Variants in HGS observed in about 807,000 individuals in gnomAD.
The protein encoded by HGS is hepatocyte growth factor-regulated tyrosine kinase substrate.
A neutral mutation model predicts 109.7 loss-of-function variants in HGS; 63 were observed. The observed-to-expected ratio is 0.57, with a 90% CI of 0.47 to 0.71. The LOEUF is 0.71. Ranked by LOEUF, HGS falls within the 30% of genes least tolerant of loss-of-function variation. The probability of loss-of-function intolerance (pLI) is 0.00; values close to 1 mark genes in which losing one functional copy is unlikely to be tolerated. For missense variants in HGS, 995 were observed against 1,068.3 expected, an observed-to-expected ratio of 0.93 and a Z score of 0.96; for synonymous variants, 546 against 437.3, an observed-to-expected ratio of 1.25 and a Z score of -3.10.
At chr17:81,690,948 A>C (rs1419983143) in intron 7 of HGS, 1 of 544,318 alleles carries the variant, frequency 1.8e-6, no homozygotes, top group Non-Finnish European at 3.2e-6. Flanking sequence ...GGCCGGGCCC[A>C]GCCTCACTCT....
chr17:81,696,969 C>T lies in HGS; in HGVS notation c.1853C>T (p.Pro618Leu). 1 of 1,599,446 alleles carries T rather than the reference C, an allele frequency of 6.3e-7. No individual in the cohort carries two copies. Among genetic ancestry groups the T allele is most frequent in the East Asian group, 2.2e-5 (1 of 44,738 alleles). ...AGCCAGCCGGCCCCTGCCGCTGGCCCCTACCCCAGCATGCCCAGCACTGCG... is the reference window on the plus strand; with the variant it reads ...AGCCAGCCGGCCCCTGCCGCTGGCCTCTACCCCAGCATGCCCAGCACTGCG... ...YMSQPAPAAG[P>L]YPSMPSTAAD... Residue 618 changes from proline to leucine, a missense_variant, in exon 18 of 22, where the codon CCC becomes CTC. Pro to Leu is a moderately conservative substitution (Grantham distance 98). Around this residue, in one of 6 missense-constraint regions of HGS, gnomAD observed 326 missense variants for 309.7 expected, o/e 1.05. Coordinates refer to ENST00000329138, the MANE Select transcript of HGS (RefSeq NM_004712.5).
chr17:81,699,802 C>T (rs1053271103), intron 18 of HGS, among the ~76,000 whole-genome samples: 2 of 149,868 alleles, frequency 1.3e-5, no homozygotes, highest in East Asian at 2.1e-4. Context: ...CCTGGCCGGG[C>T]GGTGGCTCAC....
At position 81,691,330 on chromosome 17, in the gene HGS, C is replaced by A; in HGVS notation, c.538-117C>A. On this transcript the variant is annotated intron_variant, in intron 7 of 21. Transcript: ENST00000329138. The surrounding 1 kb of genome is among the most constrained non-coding windows in gnomAD (Gnocchi z 5.3). ...TCCCAGGCACTTGTTCTGCTTGTCCCTTGCCTTCCCCCACCTGTGAGGCCC... is the reference window on the plus strand; with the variant it reads ...TCCCAGGCACTTGTTCTGCTTGTCCATTGCCTTCCCCCACCTGTGAGGCCC... 7.6e-7 allele frequency: 1 copy of A among 1,312,552 alleles called. No individual in the cohort carries two copies. Among genetic ancestry groups the A allele is most frequent in the Non-Finnish European group, 1.1e-6 (1 of 933,640 alleles). The allele number at this position is 1,312,552 out of a possible 1,614,324, so 81.3% of individuals were successfully genotyped here.
Position 81,691,622 on chromosome 17 carries a change from T to G in HGS, c.662+51T>G. 6.2e-7 allele frequency: 1 copy of G among 1,610,592 alleles called. No individual in the cohort carries two copies. Among genetic ancestry groups the G allele is most frequent in the Non-Finnish European group, 8.5e-7 (1 of 1,178,190 alleles). On this transcript the variant is annotated intron_variant, in intron 8 of 21. Coordinates refer to ENST00000329138, the MANE Select transcript of HGS (RefSeq NM_004712.5). The surrounding 1 kb of genome is among the most constrained non-coding windows in gnomAD (Gnocchi z 5.3). ...TGCAGGTGGGGCAGGCTCTCCAGGC[T>G]GGGTTTTCTGTCCCTCTTGGCCATG...
rs1356656520 is a variant in HGS, at chr17:81,695,052, C to T, written c.1104C>T (p.Pro368=). The T allele has an allele frequency of 1.2e-6, 2 of 1,613,436 alleles. No homozygotes were observed. Among genetic ancestry groups the T allele is most frequent in the Admixed American group, 1.7e-5 (1 of 60,006 alleles). ...AGCCTGGGGAAGGGCACGCAGCCCC[C>T]ACCAACGTGGTGGAGGTGAGGGGGC... ...AAQPGEGHAA[P]TNVVENPLPE... is the part of the protein sequence containing the mutation. The change falls in exon 13 of 22, where the codon CCC becomes CCT. Residue 368 remains proline (P), a synonymous_variant. Coordinates refer to ENST00000329138, the MANE Select transcript of HGS (RefSeq NM_004712.5).
chr17:81,684,328 G>A, intron 1 of HGS: 2 of 373,106 alleles, frequency 5.4e-6, no homozygotes. Context: ...GCGAGGGTCC[G>A]CGCAGGGCGC....
rs1168998851 is a variant in HGS, at chr17:81,696,360, A to G, written c.1397A>G (p.Tyr466Cys). The stretch of plus-strand genomic sequence containing the variant: ...TTGCTCTGTCATCTGCCCACAGTGT[A>G]CTATGAGGGGCTGCAGGACAAGCTG... ...LLNQLDERRL[Y>C]YEGLQDKLAQ... The change falls in exon 16 of 22, where the codon TAC becomes TGC. Residue 466 changes from tyrosine (Y) to cysteine (C), a missense_variant. Physicochemically the swap from Tyr to Cys is radical, Grantham distance 194. Coordinates refer to ENST00000329138, the MANE Select transcript of HGS (RefSeq NM_004712.5). 11 of 1,581,040 alleles carry G rather than the reference A, an allele frequency of 7.0e-6. No homozygotes were observed. The highest frequency in any genetic ancestry group is 2.3e-5 in the East Asian group (1 of 44,090).
chr17:81,685,555 G>A (rs747690540), intron 1 of HGS, 50 bp from the exon 2 acceptor site: 70 of 1,372,290 alleles, frequency 5.1e-5, no homozygotes, highest in Non-Finnish European at 5.3e-5. Context: ...GGTGCTGCAC[G>A]GGGCGTCCAG....
chr17:81,694,034 T>C (rs2144497284), intron 11 of HGS, 69 bp downstream of exon 11: 3 of 1,363,646 alleles, frequency 2.2e-6, no homozygotes, highest in Non-Finnish European at 2.0e-6. Flanking sequence ...CGCGGGTCCC[T>C]GAGCTGATTT....
Position 81,686,308 on chromosome 17 carries a change from T to C in HGS, c.123-4T>C. The C allele has an allele frequency of 6.2e-7, 1 of 1,612,806 alleles. No individual in the cohort carries two copies. Among genetic ancestry groups the C allele is most frequent in the Non-Finnish European group, 8.5e-7 (1 of 1,179,284 alleles). ...CTCTGCTTTTATCAATGTTTCCTTTTCAGAGCAAAATATGCTGTGAATTCC... is the reference window on the plus strand; with the variant it reads ...CTCTGCTTTTATCAATGTTTCCTTTCCAGAGCAAAATATGCTGTGAATTCC... On this transcript the variant is annotated splice_region_variant and splice_polypyrimidine_tract_variant and intron_variant, in intron 2 of 21. Coordinates refer to ENST00000329138, the MANE Select transcript of HGS (RefSeq NM_004712.5).
intron 5 of HGS, among the ~76,000 whole-genome samples, chr17:81,689,117 C>T (rs910085146): frequency 5.3e-5 from 8 of 152,268 alleles, no homozygotes; most frequent in East Asian, 1.9e-4. Context: ...TCCTGGGGGC[C>T]GGGTTGGGCT....
At position 81,701,475 on chromosome 17, in the gene HGS, G is replaced by A. The variant is rs201305944; in HGVS notation, c.2224-33G>A. The A allele has an allele frequency of 3.3e-4, 503 of 1,531,112 alleles. 3 individuals carry two copies. In the East Asian group the frequency reaches 0.012, roughly 37 times the overall value. 94.8% of individuals were successfully genotyped at this position (1,531,112 alleles called of 1,614,324 possible). A position where few individuals can be genotyped will look rare whatever the true frequency, so the allele number is the denominator to read the frequency against. On this transcript the variant is annotated intron_variant, in intron 21 of 21. Coordinates refer to ENST00000329138, the MANE Select transcript of HGS (RefSeq NM_004712.5). Reference sequence around the variant, plus strand: ...TTCCTCCCTGGGCTGGGGAAGGGAGGACCAGGGCCATGCCTGCTTTCCTCC... The same window carrying A: ...TTCCTCCCTGGGCTGGGGAAGGGAGAACCAGGGCCATGCCTGCTTTCCTCC...
chr17:81,684,201 G>C, intron 1 of HGS, 98 bp downstream of exon 1: 6 of 1,122,558 alleles, frequency 5.3e-6, no homozygotes, highest in Non-Finnish European at 5.8e-6. Context: ...GGCGCGGACC[G>C]GCCGCCCTGC....
In HGS at chr17:81,696,490, G is replaced by A; in HGVS notation, c.1527G>A (p.Gln509=). 3 of 1,528,988 alleles carry A rather than the reference G, an allele frequency of 2.0e-6. No homozygotes were observed. The highest frequency in any genetic ancestry group is 2.6e-6 in the Non-Finnish European group (3 of 1,136,458). 94.7% of individuals were successfully genotyped at this position (1,528,988 alleles called of 1,614,324 possible). A position where few individuals can be genotyped will look rare whatever the true frequency, so the allele number is the denominator to read the frequency against. The part of the protein sequence containing the change: ...AEEAERQRQI[Q]LAQKLEIMRQ... Reference sequence around the variant, plus strand: ...AGGCAGAGCGCCAGCGCCAGATCCAGCTGGCCCAGAAGCTGGAGATAATGC... The same window carrying A: ...AGGCAGAGCGCCAGCGCCAGATCCAACTGGCCCAGAAGCTGGAGATAATGC... Residue 509 remains glutamine, a synonymous_variant, in exon 16 of 22, where the codon CAG becomes CAA. Coordinates refer to ENST00000329138, the MANE Select transcript of HGS (RefSeq NM_004712.5).
chr17:81,686,276 C>T (rs745550935), intron 2 of HGS, 36 bp from the exon 3 acceptor site: 13 of 1,570,208 alleles, frequency 8.3e-6, no homozygotes, highest in South Asian at 4.5e-5. Flanking sequence ...ATTTTTTTCC[C>T]GTTTTTCTCT....
rs1405623995 is a variant in HGS, at chr17:81,702,025, G to A, written c.*407G>A. 1 of 176,800 alleles carries A rather than the reference G, an allele frequency of 5.7e-6. No individual in the cohort carries two copies. The highest frequency in any genetic ancestry group is 2.4e-5 in the African/African-American group (1 of 42,406). 11.0% of individuals were successfully genotyped at this position (176,800 alleles called of 1,614,324 possible). On this transcript the variant is annotated 3_prime_UTR_variant, in exon 22 of 22. Transcript: ENST00000329138. Reference sequence around the variant, plus strand: ...GGCCTCTCTCGGCAGCCACAGCCAAGGGTGGAGGCTTCAGGTCTCCAGCTT... The same window carrying A: ...GGCCTCTCTCGGCAGCCACAGCCAAAGGTGGAGGCTTCAGGTCTCCAGCTT...
Position 81,700,578 on chromosome 17 carries a change from C to T in HGS, c.1994C>T (p.Pro665Leu). ...AGCCCCGCTTACTCATCCTACCAGC[C>T]TACTCCCACAGCGGGCTACCAGGTA... ...TASPAYSSYQPTPTAGYQNVA... is the reference protein window; with the variant it reads ...TASPAYSSYQLTPTAGYQNVA... The change falls in exon 19 of 22, where the codon CCT becomes CTT. Residue 665 changes from proline to leucine, a missense_variant. Pro to Leu is a moderately conservative substitution (Grantham distance 98). Around this residue, in one of 6 missense-constraint regions of HGS, gnomAD observed 326 missense variants for 309.7 expected, o/e 1.05. Transcript: ENST00000329138. 1 of 1,608,866 alleles carries T rather than the reference C, an allele frequency of 6.2e-7. No homozygotes were observed. The highest frequency in any genetic ancestry group is 2.2e-5 in the East Asian group (1 of 44,850).
Position 81,691,588 on chromosome 17 carries a change from C to CTTGG in HGS, c.662+17_662+18insTTGG. On this transcript the variant is annotated intron_variant, in intron 8 of 21. Transcript: ENST00000329138. The surrounding 1 kb of genome is among the most constrained non-coding windows in gnomAD (Gnocchi z 5.3). ...GCTGAACAGGTGAGTCCCCGCCCCC[C>CTTGG]ATTTGGGCTGCAGGTGGGGCAGGCT... 6.2e-7 allele frequency: 1 copy of CTTGG among 1,613,682 alleles called. No individual in the cohort carries two copies. The highest frequency in any genetic ancestry group is 8.5e-7 in the Non-Finnish European group (1 of 1,179,802).
Position 81,693,392 on chromosome 17 carries a change from C to T in HGS, c.663-111C>T, listed in dbSNP as rs893859683. 39 of 785,210 alleles carry T rather than the reference C, an allele frequency of 5.0e-5. No individual in the cohort carries two copies. The African/African-American group carries it at 6.1e-4, about 12-fold the overall frequency. The allele number at this position is 785,210 out of a possible 1,614,324, so 48.6% of individuals were successfully genotyped here. A position where few individuals can be genotyped will look rare whatever the true frequency, so the allele number is the denominator to read the frequency against. The stretch of plus-strand genomic sequence containing the variant: ...ACACCTGTGGCTGTGGAACCACTGT[C>T]CTCACTCTGTGGGGACACTTAGAGG... On this transcript the variant is annotated intron_variant, in intron 8 of 21. Transcript: ENST00000329138.
Sources: allele counts gnomAD v4.1 joint callset (sites outside exome capture counted in the v4.1 genomes callset), GRCh38; gene constraint gnomAD v4.1.1; regional missense constraint gnomAD v4.1.1; non-coding constraint Gnocchi (gnomAD v3.1); transcripts MANE v1.5; gene names NCBI Gene and HGNC (gene_info 2026-07-23, HGNC 2026-07-21).